The following UBE3C variants were observed in gnomAD, a reference collection of about 807,000 sequenced individuals.
The protein encoded by UBE3C is ubiquitin protein ligase E3C, also known as ubiquitin-protein ligase E3C.
In UBE3C, 42 loss-of-function variants were observed where a neutral mutation model predicts 129.4. The observed-to-expected ratio is 0.32, with a 90% CI of 0.25 to 0.42. UBE3C has a LOEUF of 0.42. Ranked by LOEUF, UBE3C falls within the 10% of genes least tolerant of loss-of-function variation. The probability of loss-of-function intolerance (pLI) is 1.00; values close to 1 mark genes in which losing one functional copy is unlikely to be tolerated. For missense variants in UBE3C, 1,049 were observed against 1,319.1 expected (o/e 0.80, Z 3.17); for synonymous variants, 510 against 492.4 (o/e 1.04, Z -0.47).
At chr7:157,198,292 A>G in intron 10 of UBE3C, 2 of 889,380 alleles carry the variant, frequency 2.2e-6, no homozygotes, top group Non-Finnish European at 3.9e-6. Context: ...TGAAGACTGC[A>G]GCTTTAGGTC....
At chr7:157,244,579 T>C (rs1796428261) in intron 18 of UBE3C, among the ~76,000 whole-genome samples, 1 of 152,206 alleles carries the variant, frequency 6.6e-6, no homozygotes, top group Admixed American at 6.5e-5. Context: ...TAGAGATGCA[T>C]TTGAAAAGCA....
At chr7:157,200,029 ACAT>A (rs1809237712) in intron 10 of UBE3C, among the ~76,000 whole-genome samples, 1 of 152,188 alleles carries the variant, frequency 6.6e-6, no homozygotes, top group East Asian at 1.9e-4. Context: ...TGACTGATAA[ACAT>A]CATGCATGTT....
chr7:157,265,299 T>C (rs1260776662), intron 22 of UBE3C, among the ~76,000 whole-genome samples: 2 of 152,232 alleles, frequency 1.3e-5, no homozygotes, highest in Admixed American at 6.5e-5. Context: ...CTGAGGGCGA[T>C]CTGTGCCTTA....
chr7:157,256,062 A>G (rs1796743793), intron 21 of UBE3C, among the ~76,000 whole-genome samples: 1 of 152,150 alleles, frequency 6.6e-6, no homozygotes, highest in South Asian at 2.1e-4. Flanking sequence ...GGTTCTTCAA[A>G]ATAAGGCTCC....
At chr7:157,263,757 T>C (rs910362288) in intron 22 of UBE3C, among the ~76,000 whole-genome samples, 1 of 151,708 alleles carries the variant, frequency 6.6e-6, no homozygotes. Flanking sequence ...TTGGATTTTT[T>C]TTTTTTTTTT....
intron 22 of UBE3C, among the ~76,000 whole-genome samples, chr7:157,261,801 T>G (rs1796924101): frequency 6.6e-6 from 1 of 152,248 alleles, no homozygotes. Flanking sequence ...AAAAAATCAT[T>G]AAAGTGCTGT....
At chr7:157,244,466 T>C (rs1796425032) in intron 18 of UBE3C, among the ~76,000 whole-genome samples, 1 of 152,254 alleles carries the variant, frequency 6.6e-6, no homozygotes, top group South Asian at 2.1e-4. Flanking sequence ...TAATTAAAAT[T>C]ATCTGCTTGC....
chr7:157,225,029 T>C (rs924298279), intron 16 of UBE3C, among the ~76,000 whole-genome samples: 16 of 152,204 alleles, frequency 1.1e-4, no homozygotes, highest in African/African-American at 3.4e-4. Flanking sequence ...TTTATTTTAT[T>C]TTTGAGACAG....
rs182499029 is a variant in UBE3C, at chr7:157,164,882, G to A, written c.120+1019G>A. Among the ~76,000 whole-genome samples, 293 of 152,222 alleles carry A rather than the reference G, an allele frequency of 1.9e-3. 3 individuals are homozygous for A. Among genetic ancestry groups the A allele is most frequent in the African/African-American group, 6.5e-3 (268 of 41,522 alleles). ...AGCTGGAAGGGCCTATATTAGAGAT[G>A]GTGTTTAGGGGAAGGGCTCTCTGAG... On this transcript the variant is annotated intron_variant, in intron 2 of 22. Transcript: ENST00000348165.
chr7:157,212,573 A>T (rs1331840830), intron 13 of UBE3C, among the ~76,000 whole-genome samples: 2 of 152,214 alleles, frequency 1.3e-5, no homozygotes, highest in Admixed American at 6.5e-5. Flanking sequence ...CTGTTAATTT[A>T]CAATGTTTAC....
intron 13 of UBE3C, among the ~76,000 whole-genome samples, chr7:157,212,945 A>G (rs1314733786): frequency 6.6e-6 from 1 of 151,892 alleles, no homozygotes; most frequent in Admixed American, 6.6e-5. Flanking sequence ...TTTTGTAGAG[A>G]TAGGGTTTCA....
rs1339301724 is a variant in UBE3C at position 157,203,195 on chromosome 7, A to AT, written c.1418+1395dup. Among the ~76,000 whole-genome samples, 40 of 152,184 alleles carry AT rather than the reference A, an allele frequency of 2.6e-4. No homozygotes were observed. The East Asian group carries it at 7.5e-3, about 29-fold the overall frequency. ...TCAATATTATTACTTCAAATTTTTC[A>AT]TTTTTTTAATTGAATCTTAAGTGAG... On this transcript the variant is annotated intron_variant, in intron 11 of 22. Transcript: ENST00000348165.
chr7:157,181,963 C>A, intron 7 of UBE3C, 145 bp from the exon 8 acceptor site: 2 of 890,094 alleles, frequency 2.2e-6, no homozygotes, highest in Non-Finnish European at 3.3e-6. Flanking sequence ...TTAGGTTGAT[C>A]TAGTTGATAT....
chr7:157,160,895 G>A (rs1406038877), intron 1 of UBE3C, among the ~76,000 whole-genome samples: 2 of 152,150 alleles, frequency 1.3e-5, no homozygotes, highest in African/African-American at 2.4e-5. Context: ...TTGAGTCCAT[G>A]ATGCGTGTTT....
In UBE3C at chr7:157,269,071, ATG is replaced by A. The variant is rs1227983250; in HGVS notation, c.*1318_*1319del. 3.9e-5 allele frequency: 6 copies of A among 152,662 alleles called. No homozygotes were observed. Among genetic ancestry groups the A allele is most frequent in the African/African-American group, 7.2e-5 (3 of 41,454 alleles). The allele number at this position is 152,662 out of a possible 1,614,324, so 9.5% of individuals were successfully genotyped here. On this transcript the variant is annotated 3_prime_UTR_variant, in exon 23 of 23. Coordinates refer to ENST00000348165, the MANE Select transcript of UBE3C (RefSeq NM_014671.3). Reference sequence around the variant, plus strand: ...AGACAATGAACATTATCAAAACAAAATGTATAATTTCTTAATTTGAATAATAA... The same window carrying A: ...AGACAATGAACATTATCAAAACAAAATATAATTTCTTAATTTGAATAATAA...
chr7:157,258,615 A>G (rs1056456134), intron 22 of UBE3C, among the ~76,000 whole-genome samples: 2 of 152,082 alleles, frequency 1.3e-5, no homozygotes, highest in East Asian at 3.9e-4. Flanking sequence ...GTGCGCCTCC[A>G]TGCCCGGCTA....
intron 9 of UBE3C, among the ~76,000 whole-genome samples, 190 bp downstream of exon 9, chr7:157,184,219 G>A (rs1372225350): frequency 1.3e-5 from 2 of 152,148 alleles, no homozygotes; most frequent in Admixed American, 6.5e-5. Context: ...TTGTTAGCAC[G>A]TTCATGGAAG....
chr7:157,194,982 C>T (rs376868017), intron 10 of UBE3C, among the ~76,000 whole-genome samples: 6 of 152,226 alleles, frequency 3.9e-5, no homozygotes, highest in South Asian at 2.1e-4. Flanking sequence ...TTGGGAAATT[C>T]GTGGCCTATT....
chr7:157,163,739 T>C (rs1285015461), intron 1 of UBE3C, 71 bp from the exon 2 acceptor site: 1 of 1,526,066 alleles, frequency 6.6e-7, no homozygotes, highest in African/African-American at 1.4e-5. Context: ...GAAAACATTC[T>C]GTAATTTTTG....
Sources: allele counts gnomAD v4.1 joint callset (sites outside exome capture counted in the v4.1 genomes callset), GRCh38; gene constraint gnomAD v4.1.1; transcripts MANE v1.5; gene names NCBI Gene and HGNC (gene_info 2026-07-23, HGNC 2026-07-21).